The following PXDNL variants were observed in gnomAD, a reference collection of about 807,000 sequenced individuals.
PXDNL encodes the protein peroxidasin like, also known as probable oxidoreductase PXDNL.
Under a neutral mutation model 150.8 loss-of-function variants are expected in PXDNL, and 145 were observed. That is an observed-to-expected ratio of 0.96 (90% CI 0.84 to 1.10). The LOEUF is 1.10. Among genes scored for constraint, PXDNL ranks in the 50% least tolerant of loss-of-function variants. The probability of loss-of-function intolerance (pLI) is 0.00; values close to 1 mark genes in which losing one functional copy is unlikely to be tolerated. For synonymous variants in PXDNL, 757 were observed against 725.7 expected, an observed-to-expected ratio of 1.04 and a Z score of -0.69; for missense variants, 2,087 against 1,873.9, an observed-to-expected ratio of 1.11 and a Z score of -2.10.
rs192625739 is a variant in PXDNL, at chr8:51,423,096, T to G, written c.1795+479A>C. The stretch of plus-strand genomic sequence containing the variant: ...AGAATGTAAAAAGCTATGTCAATTA[T>G]GTTGGCCAATTATAAATGCCTGGAA... On this transcript the variant is annotated intron_variant, in intron 14 of 22. Coordinates refer to ENST00000356297, the MANE Select transcript of PXDNL (RefSeq NM_144651.5). Among the ~76,000 whole-genome samples the G allele has an allele frequency of 2.1e-3, 316 of 152,380 alleles. 1 individual carries two copies. Among genetic ancestry groups the G allele is most frequent in the Middle Eastern group, 6.8e-3 (2 of 294 alleles).
intron 2 of PXDNL, among the ~76,000 whole-genome samples, chr8:51,625,107 A>G (rs982133214): frequency 1.3e-5 from 2 of 152,198 alleles, no homozygotes; most frequent in Non-Finnish European, 2.9e-5. Flanking sequence ...AGGTACCTGA[A>G]AAGGTAGCTA....
chr8:51,733,373 G>A (rs1449548115), intron 1 of PXDNL, among the ~76,000 whole-genome samples: 1 of 152,064 alleles, frequency 6.6e-6, no homozygotes, highest in Non-Finnish European at 1.5e-5. Context: ...TATAAAAGTA[G>A]AACAAAGTAA....
Position 51,413,200 on chromosome 8 carries a change from T to C in PXDNL, c.1854A>G (p.Val618=), listed in dbSNP as rs1426600320. The stretch of plus-strand genomic sequence containing the variant: ...AGTTAATTGCACTGTCAACTCTCTG[T>C]ACAGCATCAAGAATGGAAGATTCAA... ...DFVESSILDA[V]QRVDSAINST... The change falls in exon 15 of 23, where the codon GTA becomes GTG. Residue 618 remains valine (V), a synonymous_variant. Coordinates refer to ENST00000356297, the MANE Select transcript of PXDNL (RefSeq NM_144651.5). The C allele has an allele frequency of 1.2e-6, 2 of 1,612,772 alleles. No homozygotes were observed. Among genetic ancestry groups the C allele is most frequent in the African/African-American group, 2.7e-5 (2 of 74,912 alleles).
chr8:51,622,413 G>A (rs1326626476), intron 2 of PXDNL, among the ~76,000 whole-genome samples: 1 of 152,188 alleles, frequency 6.6e-6, no homozygotes, highest in Non-Finnish European at 1.5e-5. Context: ...TTGCTATGCT[G>A]CCATTGAAAA....
chr8:51,407,204 T>G (rs1443060590), intron 17 of PXDNL, among the ~76,000 whole-genome samples: 2 of 152,250 alleles, frequency 1.3e-5, no homozygotes, highest in African/African-American at 4.8e-5. Context: ...CTGATTTCTT[T>G]TAAATACATT....
chr8:51,612,153 G>A (rs1563483407), intron 2 of PXDNL, among the ~76,000 whole-genome samples: 1 of 152,150 alleles, frequency 6.6e-6, no homozygotes, highest in East Asian at 1.9e-4. Flanking sequence ...GGAAGGTAGA[G>A]GAAAGGAGGC....
chr8:51,582,995 C>T (rs1307968038), intron 3 of PXDNL, among the ~76,000 whole-genome samples: 1 of 152,124 alleles, frequency 6.6e-6, no homozygotes, highest in Non-Finnish European at 1.5e-5. Context: ...GAAGGAAATA[C>T]CATCTAGCAC....
rs550268081 is a variant in PXDNL at position 51,539,182 on chromosome 8, A to G, written c.380+17658T>C. ...TAGAGGTTTTCTGTCATGAATGGAC[A>G]TTAAATTTTTCCATATGCTTTTTCT... On this transcript the variant is annotated intron_variant, in intron 4 of 22. Transcript: ENST00000356297. Among the ~76,000 whole-genome samples, 10 of 152,264 alleles carry G rather than the reference A, an allele frequency of 6.6e-5. No individual in the cohort carries two copies. In the South Asian group the frequency reaches 2.1e-3, roughly 32 times the overall value.
intron 2 of PXDNL, among the ~76,000 whole-genome samples, chr8:51,593,112 A>T (rs1585604928): frequency 6.6e-6 from 1 of 152,294 alleles, no homozygotes; most frequent in East Asian, 1.9e-4. Flanking sequence ...ATTGACACAC[A>T]GTAGACTTTC....
chr8:51,541,372 T>C (rs1300895329), intron 4 of PXDNL, among the ~76,000 whole-genome samples: 5 of 152,160 alleles, frequency 3.3e-5, no homozygotes, highest in African/African-American at 1.2e-4. Context: ...ATGATCTTCA[T>C]AATAGGGCTC....
intron 1 of PXDNL, among the ~76,000 whole-genome samples, chr8:51,766,561 T>C (rs949482165): frequency 6.6e-6 from 1 of 152,212 alleles, no homozygotes; most frequent in Non-Finnish European, 1.5e-5. Flanking sequence ...TATCTGGGAA[T>C]GTCTTAATTT....
At chr8:51,372,511 A>G (rs1270823143) in intron 18 of PXDNL, among the ~76,000 whole-genome samples, 1 of 152,052 alleles carries the variant, frequency 6.6e-6, no homozygotes, top group Non-Finnish European at 1.5e-5. Flanking sequence ...CAGCCTCCCA[A>G]GTAGCTGGGA....
At chr8:51,581,028 T>C (rs1585596225) in intron 3 of PXDNL, among the ~76,000 whole-genome samples, 1 of 151,988 alleles carries the variant, frequency 6.6e-6, no homozygotes, top group African/African-American at 2.4e-5. Context: ...CCCTAGTGAG[T>C]AGGCAACAGG....
chr8:51,358,112 G>C (rs1806576420), intron 19 of PXDNL, among the ~76,000 whole-genome samples: 1 of 152,114 alleles, frequency 6.6e-6, no homozygotes, highest in Non-Finnish European at 1.5e-5. Flanking sequence ...TCTCCACAAG[G>C]AGAAAAATGA....
chr8:51,426,531 G>A, intron 13 of PXDNL, 115 bp downstream of exon 13: 2 of 596,120 alleles, frequency 3.4e-6, no homozygotes, highest in South Asian at 2.2e-5. Context: ...GGTATTATTT[G>A]CTAGCAAAAG....
At chr8:51,380,085 G>C (rs2130807551) in intron 17 of PXDNL, among the ~76,000 whole-genome samples, 1 of 151,594 alleles carries the variant, frequency 6.6e-6, no homozygotes, top group Non-Finnish European at 1.5e-5. Flanking sequence ...AGTGTCTTGG[G>C]CCACACATAA....
chr8:51,648,731 T>C (rs1808663547), intron 2 of PXDNL, among the ~76,000 whole-genome samples: 1 of 152,214 alleles, frequency 6.6e-6, no homozygotes, highest in Non-Finnish European at 1.5e-5. Flanking sequence ...TGCGCTATGA[T>C]TATCCTCTTT....
intron 1 of PXDNL, among the ~76,000 whole-genome samples, chr8:51,736,479 C>T (rs995317381): frequency 1.3e-5 from 2 of 152,200 alleles, no homozygotes; most frequent in East Asian, 3.8e-4. Flanking sequence ...TATGGTTCAA[C>T]AGGGTACAGC....
intron 15 of PXDNL, among the ~76,000 whole-genome samples, 190 bp from the exon 16 acceptor site, chr8:51,411,597 T>G (rs1303868830): frequency 6.6e-6 from 1 of 152,198 alleles, no homozygotes; most frequent in African/African-American, 2.4e-5. Flanking sequence ...ATTCCAAATG[T>G]TAGTCCCAGT....
Sources: gnomAD v4.1 joint callset for allele counts (sites outside exome capture counted in the v4.1 genomes callset) on GRCh38, gnomAD v4.1.1 for gene constraint, MANE v1.5 for transcripts, NCBI Gene and HGNC (gene_info 2026-07-23, HGNC 2026-07-21) for gene names.